The following SLC23A1 variants were observed in gnomAD, a reference collection of about 807,000 sequenced individuals.
The protein encoded by SLC23A1 is solute carrier family 23 member 1, also known as Na(+)/L-ascorbic acid transporter 1.
A neutral mutation model predicts 62.5 loss-of-function variants in SLC23A1; 31 were observed. The observed-to-expected ratio is 0.50, with a 90% CI of 0.37 to 0.67. The LOEUF is 0.67. SLC23A1 is among the 30% of genes least tolerant of loss of function. SLC23A1 has a pLI of 0.00. For missense variants in SLC23A1, 640 were observed against 782.7 expected, an observed-to-expected ratio of 0.82 and a Z score of 2.18; for synonymous variants, 271 against 313.2, an observed-to-expected ratio of 0.87 and a Z score of 1.42.
intron 3 of SLC23A1, 42 bp from the exon 4 acceptor site, chr5:139,380,928 G>T: frequency 1.5e-6 from 1 of 688,668 alleles, no homozygotes; most frequent in Non-Finnish European, 2.5e-6. Context: ...GGAGGGGCGG[G>T]TGGGGAGGAG....
intron 14 of SLC23A1, among the ~76,000 whole-genome samples, chr5:139,368,356 A>G (rs114317449): frequency 6.6e-6 from 1 of 151,292 alleles, no homozygotes; most frequent in African/African-American, 2.4e-5. Flanking sequence ...AAAAAACTAA[A>G]TAAATAAATA....
chr5:139,368,279 G>T (rs1261765161), intron 14 of SLC23A1, among the ~76,000 whole-genome samples: 1 of 152,112 alleles, frequency 6.6e-6, no homozygotes, highest in East Asian at 1.9e-4. Context: ...GGCGGAGCTT[G>T]CAGTGAGCTG....
chr5:139,376,782 C>T (rs1163766445), intron 13 of SLC23A1, among the ~76,000 whole-genome samples: 1 of 152,142 alleles, frequency 6.6e-6, no homozygotes, highest in Admixed American at 6.5e-5. Context: ...TATCTCTGTC[C>T]TACTCTGAAG....
chr5:139,377,546 G>A, intron 12 of SLC23A1, 49 bp from the exon 13 acceptor site: 1 of 981,266 alleles, frequency 1.0e-6, no homozygotes, highest in Non-Finnish European at 1.7e-6. Context: ...AATCTGGAGA[G>A]CAGAGTTGAG....
At chr5:139,382,172 C>A in intron 2 of SLC23A1, 123 bp from the exon 3 acceptor site, 1 of 946,326 alleles carries the variant, frequency 1.1e-6, no homozygotes, top group Non-Finnish European at 1.6e-6. Context: ...CCAGGACTGG[C>A]AGTCCCCACA....
intron 13 of SLC23A1, among the ~76,000 whole-genome samples, chr5:139,374,299 T>G (rs2152065992): frequency 6.6e-6 from 1 of 152,190 alleles, no homozygotes; most frequent in African/African-American, 2.4e-5. Context: ...ATACAAAAAA[T>G]TAGCCAGGCG....
chr5:139,378,206 C>T lies in SLC23A1; in HGVS notation c.1309+16G>A, dbSNP rs1273067324. 1 of 1,612,934 alleles carries T rather than the reference C, an allele frequency of 6.2e-7. No homozygotes were observed. Among genetic ancestry groups the T allele is most frequent in the South Asian group, 1.1e-5 (1 of 90,964 alleles). On this transcript the variant is annotated intron_variant, in intron 11 of 14. Transcript: ENST00000348729. This position sits in a 1 kb window ranked among gnomAD's most constrained non-coding sequence, Gnocchi z 4.5. ...GCGACCCGCACCGCGACCCGTGGCC[C>T]GCGCCAGACACTCACCAAAGAGAGT...
chr5:139,383,969 T>C (rs6596475), upstream of SLC23A1, among the ~76,000 whole-genome samples: 83,601 of 152,232 alleles, frequency 0.55, 25,420 homozygotes, highest in Non-Finnish European at 0.69. Flanking sequence ...CCCAGCCGGG[T>C]CTGCACTCTG....
In SLC23A1 at chr5:139,382,549, C is replaced by T; in HGVS notation, c.93G>A (p.Met31Ile). The part of the protein sequence containing the change: ...TPLPTEPKFD[M>I]LYKIEDVPPW... The stretch of plus-strand genomic sequence containing the variant: ...GTGGCACGTCCTCGATCTTGTACAA[C>T]ATGTCAAACTTAGGCTCTGTGGGTA... The change falls in exon 2 of 15, where the codon ATG becomes ATA. Residue 31 changes from methionine (M) to isoleucine (I), a missense_variant. By Grantham distance (10) the Met-to-Ile change is conservative. Transcript: ENST00000348729. 1 of 1,613,526 alleles carries T rather than the reference C, an allele frequency of 6.2e-7. No homozygotes were observed. The highest frequency in any genetic ancestry group is 8.5e-7 in the Non-Finnish European group (1 of 1,179,718).
In SLC23A1 at chr5:139,379,950, C is replaced by A; in HGVS notation, c.768+6G>T. 6.2e-7 allele frequency: 1 copy of A among 1,614,076 alleles called. No individual in the cohort carries two copies. The highest frequency in any genetic ancestry group is 8.5e-7 in the Non-Finnish European group (1 of 1,180,010). ...TCCCAGCCCCAGCCGCCTGCCAGGT[C>A]CTCACAGGAAACATTTTGAAGATCT... On this transcript the variant is annotated splice_donor_region_variant and intron_variant, in intron 7 of 14. Transcript: ENST00000348729. The surrounding 1 kb of genome is among the most constrained non-coding windows in gnomAD (Gnocchi z 4.7).
chr5:139,383,976 T>A (rs894786247), upstream of SLC23A1, among the ~76,000 whole-genome samples: 1 of 152,218 alleles, frequency 6.6e-6, no homozygotes, highest in African/African-American at 2.4e-5. Context: ...GGGTCTGCAC[T>A]CTGTGTCAGG....
intron 13 of SLC23A1, among the ~76,000 whole-genome samples, chr5:139,372,797 C>A (rs1046770175): frequency 1.3e-5 from 2 of 152,102 alleles, no homozygotes; most frequent in Admixed American, 6.6e-5. Context: ...GTTGGTCAGG[C>A]TGGTCTTGAA....
chr5:139,379,639 C>A lies in SLC23A1; in HGVS notation c.925+39G>T. ...ACCAGGAGTCTGTCTCATAGGTGGT[C>A]TCAGTTGGGGGCAGAGGGGCCCAAG... On this transcript the variant is annotated intron_variant, in intron 8 of 14. Coordinates refer to ENST00000348729, the MANE Select transcript of SLC23A1 (RefSeq NM_005847.5). The surrounding 1 kb of genome is among the most constrained non-coding windows in gnomAD (Gnocchi z 4.7). 6 of 1,569,322 alleles carry A rather than the reference C, an allele frequency of 3.8e-6. No homozygotes were observed. Among genetic ancestry groups the A allele is most frequent in the Non-Finnish European group, 5.2e-6 (6 of 1,151,682 alleles).
chr5:139,377,024 G>A (rs1376726619), intron 13 of SLC23A1, among the ~76,000 whole-genome samples: 1 of 152,070 alleles, frequency 6.6e-6, no homozygotes, highest in African/African-American at 2.4e-5. Context: ...CAGGAGACAG[G>A]AGAATCACTT....
Position 139,367,865 on chromosome 5 carries a change from A to C in SLC23A1, c.*20-234T>G, listed in dbSNP as rs112134293. On this transcript the variant is annotated intron_variant, in intron 14 of 14. Coordinates refer to ENST00000348729, the MANE Select transcript of SLC23A1 (RefSeq NM_005847.5). ...GTGAAGTTACTGGATTTCTGGTTAC[A>C]CTTAAGCAAACTGAATTTCAATTCC... Among the ~76,000 whole-genome samples the C allele has an allele frequency of 1.9e-3, 288 of 152,300 alleles. 1 individual carries two copies. The highest frequency in any genetic ancestry group is 2.8e-3 in the Non-Finnish European group (190 of 68,026).
In SLC23A1 at chr5:139,379,263, G is replaced by A. The variant is rs765005401; in HGVS notation, c.1017C>T (p.Tyr339=). The change falls in exon 9 of 15, where the codon TAC becomes TAT. Residue 339 remains tyrosine, a synonymous_variant. Transcript: ENST00000348729. The surrounding 1 kb of genome is among the most constrained non-coding windows in gnomAD (Gnocchi z 4.7). ...LAGIIESIGD[Y]YACARLAGAP... ...CACCAGCCAGGCGGGCACAGGCGTA[G>A]TAATCTCCGATGGACTCAATGATGC... 19 of 1,614,106 alleles carry A rather than the reference G, an allele frequency of 1.2e-5. No individual in the cohort carries two copies. Among genetic ancestry groups the A allele is most frequent in the Non-Finnish European group, 1.4e-5 (17 of 1,180,032 alleles).
chr5:139,379,154 C>T lies in SLC23A1; in HGVS notation c.1073+53G>A, dbSNP rs1432557610. 1 of 1,591,604 alleles carries T rather than the reference C, an allele frequency of 6.3e-7. No homozygotes were observed. Among genetic ancestry groups the T allele is most frequent in the Non-Finnish European group, 8.6e-7 (1 of 1,162,080 alleles). ...GGCCTCCACCCCGTTCCTGTGTGTGCTTCCTGGGTGGCGCCTGAGGAGATC... is the reference window on the plus strand; with the variant it reads ...GGCCTCCACCCCGTTCCTGTGTGTGTTTCCTGGGTGGCGCCTGAGGAGATC... On this transcript the variant is annotated intron_variant, in intron 9 of 14. Transcript: ENST00000348729. This position sits in a 1 kb window ranked among gnomAD's most constrained non-coding sequence, Gnocchi z 4.7.
intron 14 of SLC23A1, among the ~76,000 whole-genome samples, chr5:139,369,888 A>G (rs2152061410): frequency 6.6e-6 from 1 of 152,308 alleles, no homozygotes; most frequent in East Asian, 1.9e-4. Context: ...ATATAGCAGT[A>G]GAATAACTCC....
chr5:139,380,634 T>TG lies in SLC23A1; in HGVS notation c.398-3dup, dbSNP rs1758205438. 1 of 1,611,762 alleles carries TG rather than the reference T, an allele frequency of 6.2e-7. No homozygotes were observed. Among genetic ancestry groups the TG allele is most frequent in the Admixed American group, 1.7e-5 (1 of 59,986 alleles). ...GACTCCAGTTACCGTAGATCTCCTC[T>TG]GGGGGTAGAGTCAGGGATACACACA... On this transcript the variant is annotated splice_region_variant and splice_polypyrimidine_tract_variant and intron_variant, in intron 4 of 14. Coordinates refer to ENST00000348729, the MANE Select transcript of SLC23A1 (RefSeq NM_005847.5).
Sources: allele counts gnomAD v4.1 joint callset (sites outside exome capture counted in the v4.1 genomes callset), GRCh38; gene constraint gnomAD v4.1.1; non-coding constraint Gnocchi (gnomAD v3.1); transcripts MANE v1.5; gene names NCBI Gene and HGNC (gene_info 2026-07-23, HGNC 2026-07-21).